NRG3: variants seen among roughly 807,000 people sequenced by gnomAD.
The protein encoded by NRG3 is pro-neuregulin-3, membrane-bound isoform.
Under a neutral mutation model 66.9 loss-of-function variants are expected in NRG3, and 31 were observed. The observed-to-expected ratio is 0.46, with a 90% CI of 0.35 to 0.63. The LOEUF is 0.63. Ranked by LOEUF, NRG3 falls within the 20% of genes least tolerant of loss-of-function variation. NRG3 has a pLI of 0.00. For synonymous variants in NRG3, 393 were observed against 359.4 expected (o/e 1.09, Z -1.06); for missense variants, 910 against 878.9 (o/e 1.04, Z -0.45).
chr10:82,213,872 AAGT>A (rs2075526914), intron 1 of NRG3, among the ~76,000 whole-genome samples: 2 of 152,174 alleles, frequency 1.3e-5, no homozygotes, highest in Non-Finnish European at 2.9e-5. Flanking sequence ...ATCTGGAGGT[AAGT>A]AGCACCAGAG....
intron 2 of NRG3, among the ~76,000 whole-genome samples, chr10:82,527,801 T>C (rs1846861363): frequency 6.6e-6 from 1 of 152,148 alleles, no homozygotes; most frequent in African/African-American, 2.4e-5. Context: ...TACCTCCCTC[T>C]CTCCGTCTCT....
chr10:82,951,323 A>C, intron 4 of NRG3, 146 bp from the exon 5 acceptor site: 1 of 600,242 alleles, frequency 1.7e-6, no homozygotes, highest in East Asian at 2.8e-5. Context: ...TTGAATCATA[A>C]TAAGTTCCTT....
intron 1 of NRG3, among the ~76,000 whole-genome samples, chr10:82,023,723 T>A (rs1589819591): frequency 2.1e-5 from 1 of 48,476 alleles, no homozygotes; most frequent in South Asian, 4.5e-4. Context: ...GGCAAGTCAA[T>A]TTTTTTAACG....
intron 3 of NRG3, among the ~76,000 whole-genome samples, chr10:82,744,683 A>G (rs2058570028): frequency 6.6e-6 from 1 of 152,192 alleles, no homozygotes; most frequent in South Asian, 2.1e-4. Context: ...TCTGCAAGAT[A>G]TTGAAATGTT....
At chr10:82,296,025 A>G (rs2080039581) in intron 1 of NRG3, among the ~76,000 whole-genome samples, 1 of 152,160 alleles carries the variant, frequency 6.6e-6, no homozygotes, top group Non-Finnish European at 1.5e-5. Context: ...GGTAGCTTTT[A>G]CTGATCATGG....
At chr10:82,557,195 G>C (rs2044707433) in intron 2 of NRG3, among the ~76,000 whole-genome samples, 1 of 152,158 alleles carries the variant, frequency 6.6e-6, no homozygotes, top group Non-Finnish European at 1.5e-5. Context: ...TCTGCTTTTA[G>C]CTCTTTGAGG....
intron 3 of NRG3, among the ~76,000 whole-genome samples, chr10:82,774,863 C>T (rs1448096829): frequency 1.3e-4 from 14 of 106,288 alleles, no homozygotes; most frequent in Non-Finnish European, 2.1e-4. Flanking sequence ...CTTACTCTGT[C>T]GTCCAGGCTG....
intron 1 of NRG3, among the ~76,000 whole-genome samples, chr10:81,977,613 C>T (rs2060172842): frequency 6.6e-6 from 1 of 152,034 alleles, no homozygotes; most frequent in African/African-American, 2.4e-5. Context: ...CTGTGTTTTC[C>T]AAAATACTCT....
chr10:81,914,696 C>T (rs73304575), intron 1 of NRG3, among the ~76,000 whole-genome samples: 2,846 of 142,372 alleles, frequency 0.02, 78 homozygotes, highest in African/African-American at 0.068. Context: ...TTCAAGGATG[C>T]AGTGAACTGT....
At chr10:82,138,003 G>A (rs2069490920) in intron 1 of NRG3, among the ~76,000 whole-genome samples, 1 of 152,112 alleles carries the variant, frequency 6.6e-6, no homozygotes, top group East Asian at 1.9e-4. Context: ...ACATAAAGAA[G>A]TTAAACAAAG....
intron 2 of NRG3, among the ~76,000 whole-genome samples, chr10:82,419,543 G>A (rs570589313): frequency 8.6e-5 from 13 of 151,600 alleles, no homozygotes; most frequent in African/African-American, 1.9e-4. Context: ...TTTTTCTCCC[G>A]CCCAAAAAGT....
At chr10:82,705,473 G>A (rs890644435) in intron 2 of NRG3, among the ~76,000 whole-genome samples, 1 of 152,184 alleles carries the variant, frequency 6.6e-6, no homozygotes, top group African/African-American at 2.4e-5. Context: ...GTAGTTAAGT[G>A]AACAGGTGCA....
intron 1 of NRG3, among the ~76,000 whole-genome samples, chr10:82,252,527 A>G (rs1289322433): frequency 6.6e-6 from 1 of 152,188 alleles, no homozygotes; most frequent in African/African-American, 2.4e-5. Context: ...TTAGCACTAT[A>G]TTACAAATGA....
chr10:82,594,282 C>T (rs537147503), intron 2 of NRG3, among the ~76,000 whole-genome samples: 1 of 152,140 alleles, frequency 6.6e-6, no homozygotes, highest in Admixed American at 6.5e-5. Flanking sequence ...TATATCATTT[C>T]TGCACAAATT....
intron 1 of NRG3, among the ~76,000 whole-genome samples, chr10:82,007,880 C>G (rs1403885237): frequency 6.6e-6 from 1 of 152,128 alleles, no homozygotes; most frequent in Non-Finnish European, 1.5e-5. Context: ...CTGTTGAGCT[C>G]TAAATGCTTT....
chr10:82,170,468 C>T (rs1177152095), intron 1 of NRG3, among the ~76,000 whole-genome samples: 2 of 151,438 alleles, frequency 1.3e-5, no homozygotes, highest in Non-Finnish European at 1.5e-5. Flanking sequence ...CTTGTCCAAA[C>T]CTGGGTATTT....
chr10:82,113,353 G>T (rs1260265534), intron 1 of NRG3, among the ~76,000 whole-genome samples: 1 of 152,270 alleles, frequency 6.6e-6, no homozygotes, highest in African/African-American at 2.4e-5. Context: ...CCCCGCTCCT[G>T]ATCACTATGC....
intron 1 of NRG3, among the ~76,000 whole-genome samples, chr10:82,150,970 G>A (rs761985908): frequency 3.9e-5 from 6 of 152,112 alleles, no homozygotes; most frequent in Non-Finnish European, 8.8e-5. Flanking sequence ...AGCCTTGTTA[G>A]GAAAAAAGAA....
intron 2 of NRG3, among the ~76,000 whole-genome samples, chr10:82,630,471 C>T (rs1393713744): frequency 6.6e-6 from 1 of 150,586 alleles, no homozygotes; most frequent in Non-Finnish European, 1.5e-5. Flanking sequence ...AACAGAGCTA[C>T]TGTTTATCTT....
Sources: allele counts gnomAD v4.1 joint callset (sites outside exome capture counted in the v4.1 genomes callset), GRCh38; gene constraint gnomAD v4.1.1; transcripts MANE v1.5; gene names NCBI Gene and HGNC (gene_info 2026-07-23, HGNC 2026-07-21).